The following STK24 variants were observed in gnomAD, a reference collection of about 807,000 sequenced individuals.
STK24 encodes the protein serine/threonine kinase 24.
A neutral mutation model predicts 55.6 loss-of-function variants in STK24; 21 were observed. The ratio of observed to expected loss-of-function variants is 0.38; its 90% CI spans 0.27 to 0.54. The LOEUF is 0.54. STK24 is among the 20% of genes least tolerant of loss of function. The pLI, the probability that STK24 is intolerant of heterozygous loss-of-function variation, is 0.79. For synonymous variants in STK24, 200 were observed against 215.2 expected, an observed-to-expected ratio of 0.93 and a Z score of 0.62; for missense variants, 383 against 538.4, an observed-to-expected ratio of 0.71 and a Z score of 2.86.
At chr13:98,573,926 T>C (rs1897806929) in intron 1 of STK24, among the ~76,000 whole-genome samples, 1 of 152,182 alleles carries the variant, frequency 6.6e-6, no homozygotes, top group Non-Finnish European at 1.5e-5. Context: ...TTGCAAAACA[T>C]TGAAAAATGG....
chr13:98,454,706 C>A (rs376765510), intron 10 of STK24: 1 of 152,316 alleles, frequency 6.6e-6, no homozygotes, highest in East Asian at 1.9e-4. Context: ...GCAAAACTGG[C>A]AGGAAGTCTA....
At chr13:98,474,456 T>G (rs1894285645) in intron 5 of STK24, among the ~76,000 whole-genome samples, 1 of 152,152 alleles carries the variant, frequency 6.6e-6, no homozygotes, top group Admixed American at 6.5e-5. Flanking sequence ...GACCCCCAGC[T>G]GTGCCCAGAC....
chr13:98,555,655 C>T (rs1342490520), intron 1 of STK24, among the ~76,000 whole-genome samples: 1 of 151,412 alleles, frequency 6.6e-6, no homozygotes, highest in African/African-American at 2.4e-5. Context: ...CAATTAAAAA[C>T]GTCCTACACA....
intron 1 of STK24, among the ~76,000 whole-genome samples, chr13:98,566,981 T>A (rs958045490): frequency 6.6e-6 from 1 of 152,198 alleles, no homozygotes; most frequent in African/African-American, 2.4e-5. Flanking sequence ...ATACCTAAAA[T>A]AACTGCGGGC....
At chr13:98,538,550 C>G (rs1393421792) in intron 1 of STK24, among the ~76,000 whole-genome samples, 1 of 151,854 alleles carries the variant, frequency 6.6e-6, no homozygotes, top group Admixed American at 6.6e-5. Context: ...CTTCCTCAAG[C>G]AGTAGCTTAC....
Position 98,449,494 on chromosome 13 carries a change from A to C in STK24, c.*3679T>G, listed in dbSNP as rs1243585684. 2.0e-5 allele frequency: 3 copies of C among 152,180 alleles called. No homozygotes were observed. The highest frequency in any genetic ancestry group is 7.3e-5 in the African/African-American group (3 of 41,332). The allele number at this position is 152,180 out of a possible 1,614,324, so 9.4% of individuals were successfully genotyped here. On this transcript the variant is annotated 3_prime_UTR_variant, in exon 11 of 11. Coordinates refer to ENST00000539966, the MANE Select transcript of STK24 (RefSeq NM_001032296.4). The stretch of plus-strand genomic sequence containing the variant: ...GTTTTCCTAAGCCCTTTCTAACGAG[A>C]GTCTCAAACAAGCGGAGGCGAGGGC...
At chr13:98,557,146 T>C (rs1421112515) in intron 1 of STK24, among the ~76,000 whole-genome samples, 1 of 152,170 alleles carries the variant, frequency 6.6e-6, no homozygotes, top group Non-Finnish European at 1.5e-5. Context: ...GTCTGGGATC[T>C]GAAACACAGG....
intron 1 of STK24, among the ~76,000 whole-genome samples, chr13:98,545,041 G>A (rs554443893): frequency 6.6e-6 from 1 of 152,288 alleles, no homozygotes; most frequent in African/African-American, 2.4e-5. Context: ...TTATCCTAGG[G>A]AAATAGACAA....
chr13:98,460,889 A>AC (rs1383143975), intron 8 of STK24, among the ~76,000 whole-genome samples: 1 of 151,734 alleles, frequency 6.6e-6, no homozygotes, highest in African/African-American at 2.4e-5. Context: ...AAAAAAAAAA[A>AC]AGTTTTAAAT....
At chr13:98,509,365 T>A (rs1191897338) in intron 2 of STK24, among the ~76,000 whole-genome samples, 1 of 152,110 alleles carries the variant, frequency 6.6e-6, no homozygotes, top group Non-Finnish European at 1.5e-5. Flanking sequence ...GGGAAATGCA[T>A]GTGAAAACCA....
At chr13:98,476,240 G>GACC (rs1894366156) in intron 3 of STK24, among the ~76,000 whole-genome samples, 1 of 141,596 alleles carries the variant, frequency 7.1e-6, no homozygotes, top group Non-Finnish European at 1.5e-5. Flanking sequence ...CAGACGGGAA[G>GACC]CCCCCCCCCG....
chr13:98,509,874 A>G (rs1895823797), intron 2 of STK24, among the ~76,000 whole-genome samples: 1 of 152,056 alleles, frequency 6.6e-6, no homozygotes, highest in Admixed American at 6.5e-5. Context: ...CTGACTCTTC[A>G]TTCTTGCCTT....
intron 1 of STK24, among the ~76,000 whole-genome samples, chr13:98,544,496 C>T (rs561373186): frequency 8.7e-4 from 133 of 152,324 alleles, no homozygotes; most frequent in African/African-American, 3.0e-3. Context: ...CTCATCCCGC[C>T]GGGTAGAGCA....
chr13:98,453,655 T>C (rs571340064), intron 10 of STK24: 13 of 155,346 alleles, frequency 8.4e-5, no homozygotes, highest in Non-Finnish European at 1.6e-4. Context: ...TTCCGAAATA[T>C]GGTCCAAAGC....
At chr13:98,472,710 A>G (rs1286538481) in intron 5 of STK24, among the ~76,000 whole-genome samples, 1 of 152,200 alleles carries the variant, frequency 6.6e-6, no homozygotes, top group African/African-American at 2.4e-5. Flanking sequence ...AGGTTCTGAC[A>G]TATGTAATCA....
At chr13:98,469,556 G>A (rs967367272) in intron 5 of STK24, among the ~76,000 whole-genome samples, 5 of 150,808 alleles carry the variant, frequency 3.3e-5, no homozygotes, top group African/African-American at 1.2e-4. Flanking sequence ...AAAAAAAAAG[G>A]CGGCGGGGGG....
chr13:98,542,377 C>T (rs1480768672), intron 1 of STK24, among the ~76,000 whole-genome samples: 2 of 151,866 alleles, frequency 1.3e-5, no homozygotes, highest in African/African-American at 4.8e-5. Context: ...TCATCCTATG[C>T]ACAAACAACA....
chr13:98,525,533 C>A (rs1184796385), intron 1 of STK24, among the ~76,000 whole-genome samples: 2 of 152,192 alleles, frequency 1.3e-5, no homozygotes, highest in African/African-American at 4.8e-5. Flanking sequence ...ACACAGCACC[C>A]CCTCCCCAGG....
At chr13:98,476,906 C>T (rs1894398209) in intron 3 of STK24, among the ~76,000 whole-genome samples, 1 of 152,268 alleles carries the variant, frequency 6.6e-6, no homozygotes, top group South Asian at 2.1e-4. Flanking sequence ...CACCCCTGGC[C>T]TTCTCCACCC....
Sources: allele counts gnomAD v4.1 joint callset (sites outside exome capture counted in the v4.1 genomes callset), GRCh38; gene constraint gnomAD v4.1.1; transcripts MANE v1.5; gene names NCBI Gene and HGNC (gene_info 2026-07-23, HGNC 2026-07-21).